OTOGL: variants seen among roughly 807,000 people sequenced by gnomAD.
OTOGL encodes the protein otogelin-like protein.
A neutral mutation model predicts 318.5 loss-of-function variants in OTOGL; 285 were observed. That is an observed-to-expected ratio of 0.89 (90% CI 0.81 to 0.99). The LOEUF is 0.99. Among genes scored for constraint, OTOGL ranks in the 50% least tolerant of loss-of-function variants. The pLI is 0.00. For synonymous variants in OTOGL, 987 were observed against 936.5 expected (o/e 1.05, Z -0.99); for missense variants, 2,899 against 2,845.6 (o/e 1.02, Z -0.43).
At chr12:80,251,570 C>T in intron 11 of OTOGL, 123 bp from the exon 12 acceptor site, 1 of 665,796 alleles carries the variant, frequency 1.5e-6, no homozygotes, top group Non-Finnish European at 2.5e-6. Context: ...GACACATATG[C>T]TGACATCAAT....
At chr12:80,183,082 AAT>A (rs930276267) in intron 1 of OTOGL, among the ~76,000 whole-genome samples, 2 of 152,238 alleles carry the variant, frequency 1.3e-5, no homozygotes, top group Non-Finnish European at 2.9e-5. Flanking sequence ...TTTTTATAAA[AAT>A]ATATAATGCT....
In OTOGL at chr12:80,302,542, T is replaced by C. The variant is rs1368932726; in HGVS notation, c.3064-92T>C. The C allele has an allele frequency of 1.1e-5, 9 of 848,046 alleles. No individual in the cohort carries two copies. In the African/African-American group the frequency reaches 1.4e-4, roughly 13 times the overall value. The allele number at this position is 848,046 out of a possible 1,614,324, so 52.5% of individuals were successfully genotyped here. On this transcript the variant is annotated intron_variant, in intron 27 of 58. Transcript: ENST00000547103. ...CCATGCAACAATATTAGTACATAAA[T>C]AGTTGTTGGTAAATGTTAACTAAAC... is the stretch of plus-strand genomic sequence containing the variant.
chr12:80,212,138 G>T, intron 4 of OTOGL, 141 bp downstream of exon 4: 2 of 809,144 alleles, frequency 2.5e-6, no homozygotes, highest in Non-Finnish European at 1.9e-6. Context: ...AAGAAGCAAA[G>T]TAACCTCTAT....
chr12:80,179,012 A>T (rs1030854476), intron 1 of OTOGL, among the ~76,000 whole-genome samples: 3 of 152,172 alleles, frequency 2.0e-5, no homozygotes, highest in Admixed American at 2.0e-4. Flanking sequence ...GAAGCTTTCT[A>T]AGAAGAGTAA....
chr12:80,306,318 A>T (rs970419388), intron 29 of OTOGL, among the ~76,000 whole-genome samples: 4 of 152,238 alleles, frequency 2.6e-5, no homozygotes, highest in Non-Finnish European at 5.9e-5. Flanking sequence ...TTTATTTATT[A>T]ATTCTCAAGG....
intron 30 of OTOGL, among the ~76,000 whole-genome samples, chr12:80,313,184 A>G (rs997783534): frequency 2.0e-5 from 3 of 152,230 alleles, no homozygotes; most frequent in Non-Finnish European, 4.4e-5. Flanking sequence ...TCATGTGATT[A>G]CATCAATAAT....
Position 80,320,630 on chromosome 12 carries a change from T to C in OTOGL, c.4011T>C (p.Asp1337=). 1.2e-6 allele frequency: 2 copies of C among 1,610,510 alleles called. No homozygotes were observed. Among genetic ancestry groups the C allele is most frequent in the Non-Finnish European group, 1.7e-6 (2 of 1,178,040 alleles). The part of the protein sequence containing the change: ...SKKGFFIIFT[D]SSVKASKYDD... The stretch of plus-strand genomic sequence containing the variant: ...AAGGCTTTTTCATCATATTCACAGA[T>C]TCTAGTGTCAAAGCATCAAAATATG... Residue 1337 remains aspartate, a synonymous_variant, in exon 34 of 59, where the codon GAT becomes GAC. Transcript: ENST00000547103.
At chr12:80,322,899 A>G (rs867490068) in intron 34 of OTOGL, among the ~76,000 whole-genome samples, 1 of 152,134 alleles carries the variant, frequency 6.6e-6, no homozygotes, top group Non-Finnish European at 1.5e-5. Flanking sequence ...TGGTCTTGCC[A>G]TTTTTCTAAT....
At chr12:80,224,167 C>T (rs1261953689) in intron 7 of OTOGL, among the ~76,000 whole-genome samples, 2 of 152,120 alleles carry the variant, frequency 1.3e-5, no homozygotes, top group Non-Finnish European at 1.5e-5. Flanking sequence ...TATCCCAGCA[C>T]CATTTGTTGA....
intron 24 of OTOGL, among the ~76,000 whole-genome samples, chr12:80,272,334 G>T (rs1185375795): frequency 6.9e-6 from 1 of 145,120 alleles, no homozygotes; most frequent in Non-Finnish European, 1.5e-5. Context: ...CCTCAATTAG[G>T]CATTGTGATG....
chr12:80,280,902 C>G (rs1884183806), intron 26 of OTOGL, among the ~76,000 whole-genome samples: 1 of 149,788 alleles, frequency 6.7e-6, no homozygotes, highest in African/African-American at 2.5e-5. Context: ...TTGTAGAGAT[C>G]TTTCATTTTC....
intron 55 of OTOGL, 27 bp downstream of exon 55, chr12:80,368,336 G>A: frequency 6.6e-7 from 1 of 1,516,168 alleles, no homozygotes; most frequent in Non-Finnish European, 9.0e-7. Context: ...GTAATGCTCT[G>A]TGCTATTTTC....
chr12:80,251,274 A>G (rs1344634235), intron 11 of OTOGL, among the ~76,000 whole-genome samples: 1 of 152,144 alleles, frequency 6.6e-6, no homozygotes, highest in Non-Finnish European at 1.5e-5. Context: ...CAGCTTTCAT[A>G]TTTATTGTTT....
intron 33 of OTOGL, among the ~76,000 whole-genome samples, chr12:80,319,914 T>C (rs1477779867): frequency 6.6e-6 from 1 of 152,156 alleles, no homozygotes; most frequent in East Asian, 1.9e-4. Context: ...TGCAGTAAGA[T>C]CTCTTTCAAG....
chr12:80,307,536 C>T (rs1174672429), intron 29 of OTOGL, among the ~76,000 whole-genome samples: 64 of 148,094 alleles, frequency 4.3e-4, no homozygotes, highest in African/African-American at 1.0e-3. Context: ...CCCTCACCTC[C>T]GGGACGGGGC....
chr12:80,372,505 G>A (rs1890938448), intron 57 of OTOGL, among the ~76,000 whole-genome samples: 1 of 151,998 alleles, frequency 6.6e-6, no homozygotes, highest in Non-Finnish European at 1.5e-5. Context: ...AACAACATAT[G>A]GGTGCAGTAT....
At chr12:80,373,866 G>A (rs1891029827) in intron 57 of OTOGL, among the ~76,000 whole-genome samples, 1 of 152,038 alleles carries the variant, frequency 6.6e-6, no homozygotes, top group Non-Finnish European at 1.5e-5. Flanking sequence ...TGGTATTCTG[G>A]AACATTGCCA....
intron 1 of OTOGL, among the ~76,000 whole-genome samples, chr12:80,110,579 A>G (rs1395564143): frequency 1.3e-5 from 2 of 152,180 alleles, no homozygotes; most frequent in Non-Finnish European, 2.9e-5. Flanking sequence ...AAAGGACATG[A>G]ATTCATTCTT....
chr12:80,192,338 C>G (rs753711264), intron 1 of OTOGL, among the ~76,000 whole-genome samples: 6 of 152,204 alleles, frequency 3.9e-5, no homozygotes, highest in Non-Finnish European at 8.8e-5. Context: ...GGTCAACTAC[C>G]CTGCCCTGAC....
Sources: allele counts gnomAD v4.1 joint callset (sites outside exome capture counted in the v4.1 genomes callset), GRCh38; gene constraint gnomAD v4.1.1; transcripts MANE v1.5; gene names NCBI Gene and HGNC (gene_info 2026-07-23, HGNC 2026-07-21).